ASS1: variants seen among roughly 807,000 people sequenced by gnomAD.
ASS1 encodes the protein argininosuccinate synthase 1.
ASS1 carries 58 observed loss-of-function variants against 60.5 expected under a neutral mutation model. The observed-to-expected ratio is 0.96, with a 90% CI of 0.78 to 1.19. The LOEUF is 1.19. Ranked by LOEUF, ASS1 falls within the 50% of genes most tolerant of loss-of-function variation. The pLI, the probability that ASS1 is intolerant of heterozygous loss-of-function variation, is 0.00. For missense variants in ASS1, 454 were observed against 547.3 expected (o/e 0.83, Z 1.70); for synonymous variants, 200 against 206.9 (o/e 0.97, Z 0.29).
chr9:130,458,370 A>G, intron 3 of ASS1, 31 bp from the exon 4 acceptor site: 1 of 1,611,754 alleles, frequency 6.2e-7, no homozygotes, highest in African/African-American at 1.3e-5. Flanking sequence ...GTCCTTGCCT[A>G]CTTCTTCCTT....
Position 130,470,950 on chromosome 9 carries a change from C to T in ASS1, c.566+46C>T. 6.3e-7 allele frequency: 1 copy of T among 1,597,024 alleles called. No homozygotes were observed. Among genetic ancestry groups the T allele is most frequent in the Non-Finnish European group, 8.6e-7 (1 of 1,165,132 alleles). On this transcript the variant is annotated intron_variant, in intron 7 of 14. Transcript: ENST00000352480. The surrounding 1 kb of genome is among the most constrained non-coding windows in gnomAD (Gnocchi z 4.3). The stretch of plus-strand genomic sequence containing the variant: ...ATCCTTGGTCCTCCCGGGCTCATTC[C>T]AAAGGACGGCCACGCGCTGCCCCAG...
In ASS1 at chr9:130,499,752, T is replaced by C. The variant is rs1792324774; in HGVS notation, c.1193+182T>C. Among the ~76,000 whole-genome samples the C allele has an allele frequency of 2.0e-5, 3 of 152,156 alleles. No individual in the cohort carries two copies. The South Asian group carries it at 6.2e-4, about 32-fold the overall frequency. ...TCTGCCCATAGCATCCTCAGAAGCA[T>C]GCTTTGATAGCCGACAGTAACAGAG... On this transcript the variant is annotated intron_variant, in intron 14 of 14. Coordinates refer to ENST00000352480, the MANE Select transcript of ASS1 (RefSeq NM_054012.4).
At chr9:130,496,593 T>TAA (rs56807719) in intron 13 of ASS1, among the ~76,000 whole-genome samples, 84 of 105,954 alleles carry the variant, frequency 7.9e-4, no homozygotes, top group African/African-American at 2.3e-3. Flanking sequence ...ACTGTCTCTT[T>TAA]AAAAAAAAAA....
intron 9 of ASS1, 37 bp from the exon 10 acceptor site, chr9:130,479,679 G>C (rs545264058): frequency 6.4e-7 from 1 of 1,550,550 alleles, no homozygotes; most frequent in Admixed American, 1.7e-5. Context: ...CCGCTGAGCC[G>C]GGCCCAGAGG....
intron 11 of ASS1, among the ~76,000 whole-genome samples, chr9:130,486,639 G>C (rs1846312021): frequency 6.6e-6 from 1 of 152,168 alleles, no homozygotes; most frequent in African/African-American, 2.4e-5. Flanking sequence ...TTCCTAATCA[G>C]AGGTCACAAC....
In ASS1 at chr9:130,470,940, G is replaced by A. The variant is rs779087123; in HGVS notation, c.566+36G>A. ...CCCTCCACCCATCCTTGGTCCTCCC[G>A]GGCTCATTCCAAAGGACGGCCACGC... On this transcript the variant is annotated intron_variant, in intron 7 of 14. Transcript: ENST00000352480. This position sits in a 1 kb window ranked among gnomAD's most constrained non-coding sequence, Gnocchi z 4.3. The A allele has an allele frequency of 1.6e-5, 26 of 1,608,830 alleles. No individual in the cohort carries two copies. Among genetic ancestry groups the A allele is most frequent in the Middle Eastern group, 1.7e-4 (1 of 5,788 alleles).
At chr9:130,445,233 AGTCCCCGGGGGCGC>A in intron 1 of ASS1, 1 of 27,728 alleles carries the variant, frequency 3.6e-5, no homozygotes, top group Non-Finnish European at 4.4e-5. Context: ...CGGGGGCGCG[AGTCCCCGGGGGCGC>A]GAGTCCCCGG....
intron 5 of ASS1, among the ~76,000 whole-genome samples, chr9:130,465,015 A>G (rs1338545737): frequency 4.8e-5 from 7 of 146,520 alleles, no homozygotes; most frequent in Non-Finnish European, 1.0e-4. Context: ...AATATGTATT[A>G]CATATAAATA....
At chr9:130,493,772 T>C (rs1341520990) in intron 12 of ASS1, among the ~76,000 whole-genome samples, 3 of 152,150 alleles carry the variant, frequency 2.0e-5, no homozygotes, top group Non-Finnish European at 4.4e-5. Flanking sequence ...CCTGCCTGCC[T>C]GCCCCTTGGT....
Position 130,470,711 on chromosome 9 carries a change from G to GC in ASS1, c.496-121dup, listed in dbSNP as rs1845846506. On this transcript the variant is annotated intron_variant, in intron 6 of 14. Coordinates refer to ENST00000352480, the MANE Select transcript of ASS1 (RefSeq NM_054012.4). This position sits in a 1 kb window ranked among gnomAD's most constrained non-coding sequence, Gnocchi z 4.3. ...TGACCGTGACCAACACTAGGAGGTA[G>GC]CCAGGGTCTTGTCTGAATGGGGGCC... The GC allele has an allele frequency of 4.2e-6, 4 of 954,874 alleles. No individual in the cohort carries two copies. Among genetic ancestry groups the GC allele is most frequent in the Non-Finnish European group, 6.8e-6 (4 of 587,922 alleles). 59.2% of individuals were successfully genotyped at this position (954,874 alleles called of 1,614,324 possible).
Position 130,477,193 on chromosome 9 carries a change from C to T in ASS1, c.688+232C>T, listed in dbSNP as rs535620906. Among the ~76,000 whole-genome samples, 2 of 152,160 alleles carry T rather than the reference C, an allele frequency of 1.3e-5. No individual in the cohort carries two copies. Among genetic ancestry groups the T allele is most frequent in the Non-Finnish European group, 1.5e-5 (1 of 68,032 alleles). On this transcript the variant is annotated intron_variant, in intron 9 of 14. Coordinates refer to ENST00000352480, the MANE Select transcript of ASS1 (RefSeq NM_054012.4). This position sits in a 1 kb window ranked among gnomAD's most constrained non-coding sequence, Gnocchi z 4.2. ...AACATGCCCTCGGCTACCCATCACT[C>T]GGGTTCATGGGCACCAGGTCTGGAA...
In ASS1 at chr9:130,445,004, C is replaced by G. The variant is rs1386791452; in HGVS notation, c.-6+9C>G. The stretch of plus-strand genomic sequence containing the variant: ...ACCGCTGCCCGAGCCCGGTAAGGAG[C>G]CCTCGGCCCCTCTCGCTGCCCACTC... On this transcript the variant is annotated intron_variant, in intron 1 of 14. Transcript: ENST00000352480. 1 of 258,222 alleles carries G rather than the reference C, an allele frequency of 3.9e-6. No homozygotes were observed. Among genetic ancestry groups the G allele is most frequent in the African/African-American group, 2.3e-5 (1 of 43,360 alleles). The allele number at this position is 258,222 out of a possible 1,614,324, so 16.0% of individuals were successfully genotyped here.
chr9:130,470,147 C>T lies in ASS1; in HGVS notation c.496-687C>T, dbSNP rs907225490. Among the ~76,000 whole-genome samples the T allele has an allele frequency of 1.3e-4, 20 of 152,172 alleles. No homozygotes were observed. Among genetic ancestry groups the T allele is most frequent in the African/African-American group, 4.3e-4 (18 of 41,436 alleles). Reference sequence around the variant, plus strand: ...TCCTCTTAAGGCTGAGTCAGGTGGGCCTTCCATGCGTGACCTGCAGCCCTC... The same window carrying T: ...TCCTCTTAAGGCTGAGTCAGGTGGGTCTTCCATGCGTGACCTGCAGCCCTC... On this transcript the variant is annotated intron_variant, in intron 6 of 14. Coordinates refer to ENST00000352480, the MANE Select transcript of ASS1 (RefSeq NM_054012.4). The surrounding 1 kb of genome is among the most constrained non-coding windows in gnomAD (Gnocchi z 4.3).
rs1220298374 is a variant in ASS1, at chr9:130,501,174, T to G, written c.*153T>G. 1.2e-6 allele frequency: 1 copy of G among 813,526 alleles called. No homozygotes were observed. Among genetic ancestry groups the G allele is most frequent in the East Asian group, 2.5e-5 (1 of 39,876 alleles). The allele number at this position is 813,526 out of a possible 1,614,324, so 50.4% of individuals were successfully genotyped here. Reference sequence around the variant, plus strand: ...CCCCAGCTTTGTTCCCTGGTCCCCCTGAAGCCTGCAAACGTTGTCATCGAA... The same window carrying G: ...CCCCAGCTTTGTTCCCTGGTCCCCCGGAAGCCTGCAAACGTTGTCATCGAA... On this transcript the variant is annotated 3_prime_UTR_variant, in exon 15 of 15. Coordinates refer to ENST00000352480, the MANE Select transcript of ASS1 (RefSeq NM_054012.4).
chr9:130,455,865 G>A (rs1845439092), intron 3 of ASS1, among the ~76,000 whole-genome samples: 1 of 152,260 alleles, frequency 6.6e-6, no homozygotes, highest in Non-Finnish European at 1.5e-5. Context: ...GAACACGGGA[G>A]GGAGTGGATG....
intron 4 of ASS1, among the ~76,000 whole-genome samples, chr9:130,461,971 G>A (rs556860452): frequency 3.2e-4 from 48 of 152,224 alleles, no homozygotes; most frequent in Middle Eastern, 3.4e-3. Context: ...TGCTGGAACC[G>A]CCTGAGCCCA....
intron 3 of ASS1, among the ~76,000 whole-genome samples, chr9:130,457,507 C>A (rs1251802380): frequency 6.6e-6 from 1 of 152,176 alleles, no homozygotes; most frequent in African/African-American, 2.4e-5. Flanking sequence ...CAGTGTCTCC[C>A]TGAAAAGTCA....
At position 130,471,513 on chromosome 9, in the gene ASS1, A is replaced by C; in HGVS notation, c.595A>C (p.Lys199Gln). 5.0e-6 allele frequency: 8 copies of C among 1,613,982 alleles called. No homozygotes were observed. Among genetic ancestry groups the C allele is most frequent in the Non-Finnish European group, 6.8e-6 (8 of 1,179,920 alleles). Reference sequence around the variant, plus strand: ...CGAGGCTGGAATCCTGGAGAACCCCAAGGTAATCCCCCAAACCCCATCTCC... The same window carrying C: ...CGAGGCTGGAATCCTGGAGAACCCCCAGGTAATCCCCCAAACCCCATCTCC... ...SYEAGILENP[K>Q]NQAPPGLYTK... Residue 199 changes from lysine to glutamine, a missense_variant and splice_region_variant, in exon 8 of 15, where the codon AAG becomes CAG. By Grantham distance (53) the Lys-to-Gln change is moderately conservative. Transcript: ENST00000352480.
intron 12 of ASS1, among the ~76,000 whole-genome samples, chr9:130,490,308 T>TTTAG (rs1227621059): frequency 6.6e-6 from 1 of 152,056 alleles, no homozygotes; most frequent in African/African-American, 2.4e-5. Context: ...TTTTATTTTA[T>TTTAG]TTATTTATTT....
Sources: gnomAD v4.1 joint callset for allele counts (sites outside exome capture counted in the v4.1 genomes callset) on GRCh38, gnomAD v4.1.1 for gene constraint, Gnocchi (gnomAD v3.1) non-coding constraint, MANE v1.5 for transcripts, NCBI Gene and HGNC (gene_info 2026-07-23, HGNC 2026-07-21) for gene names.